The following RGS11 variants were observed in gnomAD, a reference collection of about 807,000 sequenced individuals.
RGS11 encodes the protein regulator of G-protein signaling 11.
Under a neutral mutation model 71.1 loss-of-function variants are expected in RGS11, and 86 were observed. The observed-to-expected ratio is 1.21, with a 90% CI of 1.02 to 1.45. The LOEUF is 1.45. Ranked by LOEUF, RGS11 falls within the 40% of genes most tolerant of loss-of-function variation. RGS11 has a pLI of 0.00. For synonymous variants in RGS11, 298 were observed against 254.2 expected (o/e 1.17, Z -1.64); for missense variants, 734 against 635.1 (o/e 1.16, Z -1.67).
At chr16:270,945 T>C in intron 13 of RGS11, 39 bp downstream of exon 13, 1 of 1,572,318 alleles carries the variant, frequency 6.4e-7, no homozygotes, top group East Asian at 2.2e-5. Flanking sequence ...GGCAGCAGCC[T>C]CCCCGCTGGG....
Position 271,476 on chromosome 16 carries a change from T to G in RGS11, c.688-16A>C. 6.2e-7 allele frequency: 1 copy of G among 1,613,914 alleles called. No homozygotes were observed. Among genetic ancestry groups the G allele is most frequent in the Non-Finnish European group, 8.5e-7 (1 of 1,179,984 alleles). On this transcript the variant is annotated splice_polypyrimidine_tract_variant and intron_variant, in intron 10 of 16. Transcript: ENST00000397770. The stretch of plus-strand genomic sequence containing the variant: ...AGTACTCGATCTAGGATGTGGGGCC[T>G]GTGAGTCAGGTCCCGGGCTGGGGAA...
In RGS11 at chr16:275,322, C is replaced by T. The variant is rs760999385; in HGVS notation, c.172G>A (p.Val58Met). 1 of 1,612,446 alleles carries T rather than the reference C, an allele frequency of 6.2e-7. No homozygotes were observed. The highest frequency in any genetic ancestry group is 2.2e-5 in the East Asian group (1 of 44,870). ...IPHAVTGSDV[V>M]QWLAQKFCVS... ...CAGAACTTCTGGGCCAACCACTGCA[C>T]GACGTCGCTGCCTGCACGGGAGAGA... The change falls in exon 3 of 17, where the codon GTG (valine) becomes ATG (methionine). Residue 58 changes from valine (V) to methionine (M), a missense_variant. Coordinates refer to ENST00000397770, the MANE Select transcript of RGS11 (RefSeq NM_183337.3).
In RGS11 at chr16:271,525, A is replaced by G; in HGVS notation, c.687+15T>C. 6.2e-7 allele frequency: 1 copy of G among 1,614,030 alleles called. No individual in the cohort carries two copies. Among genetic ancestry groups the G allele is most frequent in the Non-Finnish European group, 8.5e-7 (1 of 1,180,026 alleles). The stretch of plus-strand genomic sequence containing the variant: ...AAGGCACCTGGCACCCTCCACTCCC[A>G]GCTCCAGAACTTACCTCCCGCTTAT... On this transcript the variant is annotated intron_variant, in intron 10 of 16. Coordinates refer to ENST00000397770, the MANE Select transcript of RGS11 (RefSeq NM_183337.3).
At chr16:275,523 G>A (rs1286164366) in intron 1 of RGS11, 25 bp from the exon 2 acceptor site, 13 of 1,515,490 alleles carry the variant, frequency 8.6e-6, no homozygotes, top group Non-Finnish European at 1.1e-5. Flanking sequence ...TCGTCAGGGG[G>A]TGTCTGGCCG....
chr16:271,088 G>C lies in RGS11; in HGVS notation c.875C>G (p.Pro292Arg), dbSNP rs1181763929. 2 of 1,611,964 alleles carry C rather than the reference G, an allele frequency of 1.2e-6. No homozygotes were observed. The part of the protein sequence containing the change: ...WVMNAPTVAA[P>R]TKLRVERWGF... ...CCATCTCTCCACACGGAGCTTCGTG[G>C]GGGCAGCCACCCTGGGGAGAGGGCA... Residue 292 changes from proline (P) to arginine (R), a missense_variant, in exon 13 of 17, where the codon CCC becomes CGC. Physicochemically the swap from Pro to Arg is moderately radical, Grantham distance 103. Transcript: ENST00000397770.
intron 13 of RGS11, 67 bp downstream of exon 13, chr16:270,917 G>C: frequency 6.4e-7 from 1 of 1,567,734 alleles, no homozygotes; most frequent in Non-Finnish European, 8.7e-7. Context: ...GGTGGAAACC[G>C]AGGCGGGAGG....
intron 15 of RGS11, chr16:269,841 C>T (rs547863911): frequency 8.9e-6 from 4 of 447,344 alleles, no homozygotes; most frequent in Admixed American, 3.9e-5. Flanking sequence ...GAATAAACCG[C>T]GGCACCTCCT....
chr16:274,031 G>T lies in RGS11; in HGVS notation c.429+12C>A. 1 of 1,481,394 alleles carries T rather than the reference G, an allele frequency of 6.8e-7. No individual in the cohort carries two copies. The highest frequency in any genetic ancestry group is 8.9e-7 in the Non-Finnish European group (1 of 1,126,190). The allele number at this position is 1,481,394 out of a possible 1,614,324, so 91.8% of individuals were successfully genotyped here. A position where few individuals can be genotyped will look rare whatever the true frequency, so the allele number is the denominator to read the frequency against. ...TGTACCCAGCCGGGGCGGGAAGGGT[G>T]GGGGGTCCCACCTTCTCATAATCCA... On this transcript the variant is annotated intron_variant, in intron 6 of 16. Coordinates refer to ENST00000397770, the MANE Select transcript of RGS11 (RefSeq NM_183337.3).
At position 271,569 on chromosome 16, in the gene RGS11, T is replaced by A. The variant is rs1465215042; in HGVS notation, c.658A>T (p.Thr220Ser). The change falls in exon 10 of 17, where the codon ACC becomes TCC. Residue 220 changes from threonine to serine, a missense_variant and splice_region_variant. By Grantham distance (58) the Thr-to-Ser change is moderately conservative. Transcript: ENST00000397770. Reference sequence around the variant, plus strand: ...CGCTTATGGAAATCTGCACTCTTGGTCTAGAAGGGGATAGGTGGGCTGCAG... The same window carrying A: ...CGCTTATGGAAATCTGCACTCTTGGACTAGAAGGGGATAGGTGGGCTGCAG... ...GSCAASRVLMTKSADFHKREI... is the reference protein window; with the variant it reads ...GSCAASRVLMSKSADFHKREI... The A allele has an allele frequency of 6.2e-7, 1 of 1,613,822 alleles. No homozygotes were observed. Among genetic ancestry groups the A allele is most frequent in the African/African-American group, 1.3e-5 (1 of 74,932 alleles).
In RGS11 at chr16:270,512, C is replaced by G; in HGVS notation, c.1206+11G>C. 1.3e-6 allele frequency: 2 copies of G among 1,597,308 alleles called. No homozygotes were observed. Among genetic ancestry groups the G allele is most frequent in the Non-Finnish European group, 1.7e-6 (2 of 1,171,560 alleles). On this transcript the variant is annotated intron_variant, in intron 15 of 16. Coordinates refer to ENST00000397770, the MANE Select transcript of RGS11 (RefSeq NM_183337.3). Reference sequence around the variant, plus strand: ...ACCCCTCCTGCCCCTGCAGGCTGGCCCAGCACCCACCTTCTTCATGAGCAT... The same window carrying G: ...ACCCCTCCTGCCCCTGCAGGCTGGCGCAGCACCCACCTTCTTCATGAGCAT...
chr16:273,582 G>T (rs1249898820), intron 7 of RGS11, 26 bp from the exon 8 acceptor site: 2 of 1,546,316 alleles, frequency 1.3e-6, no homozygotes, highest in South Asian at 1.2e-5. Context: ...CGAGTTGAGG[G>T]CACGCCCTGC....
rs2052058444 is a variant in RGS11 at position 274,085 on chromosome 16, C to G, written c.387G>C (p.Lys129Asn). The G allele has an allele frequency of 6.4e-7, 1 of 1,551,968 alleles. No individual in the cohort carries two copies. The highest frequency in any genetic ancestry group is 8.7e-7 in the Non-Finnish European group (1 of 1,147,528). Reference protein sequence around the residue: ...AELDYAIYLAKKNIRKRGTLV... With the variant: ...AELDYAIYLANKNIRKRGTLV... ...GGGTCCCCCGTTTTCGGATGTTCTT[C>G]TTGGCCAGGTAGATGGCTGGAAGAA... The change falls in exon 6 of 17, where the codon AAG becomes AAC. Residue 129 changes from lysine (K) to asparagine (N), a missense_variant. Coordinates refer to ENST00000397770, the MANE Select transcript of RGS11 (RefSeq NM_183337.3).
Position 270,655 on chromosome 16 carries a change from G to A in RGS11, c.1074C>T (p.Phe358=), listed in dbSNP as rs1477510358. The A allele has an allele frequency of 5.0e-6, 8 of 1,610,040 alleles. No individual in the cohort carries two copies. In the South Asian group the frequency reaches 6.6e-5, roughly 13 times the overall value. The change falls in exon 15 of 17, where the codon TTC becomes TTT. Residue 358 remains phenylalanine (F), a synonymous_variant. Coordinates refer to ENST00000397770, the MANE Select transcript of RGS11 (RefSeq NM_183337.3). The part of the protein sequence containing the change: ...PTLVDAVYEQ[F]LAPGAAHWVN... ...CCCAGTGGGCAGCTCCGGGGGCCAG[G>A]AACTGCCTAGGGGTGGGGACAGCAC...
chr16:274,945 A>G, intron 4 of RGS11, 31 bp downstream of exon 4: 2 of 1,542,026 alleles, frequency 1.3e-6, no homozygotes, highest in Non-Finnish European at 1.8e-6. Flanking sequence ...TGGGGGTCCC[A>G]CCGGCTCCCA....
rs1199774323 is a variant in RGS11 at position 269,363 on chromosome 16, C to G, written c.1310G>C (p.Arg437Thr). ...MKRRVFPFTW[R>T]PRHSSPSPAL... ...AGGGCTGGGGCTCGAGTGCCGTGGC[C>G]TCCACGTAAACGGGAACACGCTGTG... Residue 437 changes from arginine (R) to threonine (T), a missense_variant, in exon 17 of 17, where the codon AGG becomes ACG. By Grantham distance (71) the Arg-to-Thr change is moderately conservative (BLOSUM62 -1). Coordinates refer to ENST00000397770, the MANE Select transcript of RGS11 (RefSeq NM_183337.3). 1 of 1,603,586 alleles carries G rather than the reference C, an allele frequency of 6.2e-7. No individual in the cohort carries two copies. The highest frequency in any genetic ancestry group is 8.5e-7 in the Non-Finnish European group (1 of 1,175,708).
In RGS11 at chr16:274,202, C is replaced by T. The variant is rs1247954243; in HGVS notation, c.370+12G>A. On this transcript the variant is annotated intron_variant, in intron 5 of 16. Transcript: ENST00000397770. ...TGGGAACTTGTCTGGGGCCAGCCGT[C>T]CCCTTGCTCACCATAGTCCAGCTCT... 1 of 1,608,232 alleles carries T rather than the reference C, an allele frequency of 6.2e-7. No individual in the cohort carries two copies. Among genetic ancestry groups the T allele is most frequent in the South Asian group, 1.1e-5 (1 of 89,922 alleles).
At position 268,928 on chromosome 16, in the gene RGS11, T is replaced by C. The variant is rs767101229; in HGVS notation, c.*341A>G. On this transcript the variant is annotated 3_prime_UTR_variant, in exon 17 of 17. Coordinates refer to ENST00000397770, the MANE Select transcript of RGS11 (RefSeq NM_183337.3). ...CTGGCTGATTTACTGGTTTTAGAGA[T>C]GGGGATGGGCACCCAGTGCTGGACT... 8.6e-5 allele frequency: 133 copies of C among 1,550,340 alleles called. No individual in the cohort carries two copies. Among genetic ancestry groups the C allele is most frequent in the Non-Finnish European group, 1.1e-4 (130 of 1,146,954 alleles).
At chr16:275,786 G>A in intron 1 of RGS11, 63 bp downstream of exon 1, 1 of 547,834 alleles carries the variant, frequency 1.8e-6, no homozygotes, top group Non-Finnish European at 2.6e-6. Flanking sequence ...CATGCTCTCC[G>A]GCCCCTCCCG....
rs1376038226 is a variant in RGS11, at chr16:269,219, A to C, written c.*50T>G. Reference sequence around the variant, plus strand: ...CAAGACGGGGGTGGCTGCTGCATTCACGCAGGACGTTGAGCTGCAGGGACT... The same window carrying C: ...CAAGACGGGGGTGGCTGCTGCATTCCCGCAGGACGTTGAGCTGCAGGGACT... On this transcript the variant is annotated 3_prime_UTR_variant, in exon 17 of 17. Coordinates refer to ENST00000397770, the MANE Select transcript of RGS11 (RefSeq NM_183337.3). 7.5e-7 allele frequency: 1 copy of C among 1,328,416 alleles called. No homozygotes were observed. The highest frequency in any genetic ancestry group is 1.1e-6 in the Non-Finnish European group (1 of 945,692). The allele number at this position is 1,328,416 out of a possible 1,614,324, so 82.3% of individuals were successfully genotyped here.
Sources: gnomAD v4.1 joint callset for allele counts on GRCh38, gnomAD v4.1.1 for gene constraint, MANE v1.5 for transcripts, NCBI Gene and HGNC (gene_info 2026-07-23, HGNC 2026-07-21) for gene names.